HTR1F: variants seen among roughly 807,000 people sequenced by gnomAD.
HTR1F encodes 5-hydroxytryptamine receptor 1F.
A neutral mutation model predicts 24.0 loss-of-function variants in HTR1F; 17 were observed. The observed-to-expected ratio is 0.71, with a 90% CI of 0.48 to 1.06. The LOEUF (loss-of-function observed/expected upper bound fraction) is 1.06, where lower values mean the gene tolerates loss of function less well. Ranked by LOEUF, HTR1F falls within the 50% of genes least tolerant of loss-of-function variation. HTR1F has a pLI of 0.00. For missense variants in HTR1F, 391 were observed against 427.8 expected, an observed-to-expected ratio of 0.91 and a Z score of 0.76; for synonymous variants, 186 against 156.8, an observed-to-expected ratio of 1.19 and a Z score of -1.39.
intron 2 of HTR1F, among the ~76,000 whole-genome samples, chr3:87,827,261 C>T (rs1259322796): frequency 6.6e-6 from 1 of 152,024 alleles, no homozygotes; most frequent in Admixed American, 6.6e-5. Flanking sequence ...CCCGCAACCC[C>T]CAACAGGCCC....
intron 1 of HTR1F, among the ~76,000 whole-genome samples, chr3:87,820,235 G>GGT (rs1704329758): frequency 2.8e-5 from 4 of 144,742 alleles, no homozygotes; most frequent in Non-Finnish European, 4.5e-5. Flanking sequence ...GGAGTGCAGT[G>GGT]GCAGGATCTC....
intron 2 of HTR1F, among the ~76,000 whole-genome samples, chr3:87,950,509 T>C (rs1158296190): frequency 2.6e-5 from 4 of 151,976 alleles, no homozygotes; most frequent in South Asian, 2.1e-4. Context: ...GATGCCCTGA[T>C]GTTATTTTTT....
chr3:87,820,988 A>G (rs1704348746), intron 1 of HTR1F, among the ~76,000 whole-genome samples: 1 of 152,136 alleles, frequency 6.6e-6, no homozygotes, highest in Non-Finnish European at 1.5e-5. Flanking sequence ...GTAATAATTG[A>G]TTTTCTCACT....
At position 87,935,667 on chromosome 3, in the gene HTR1F, C is replaced by T. The variant is rs371472735; in HGVS notation, c.-42-55041C>T. Among the ~76,000 whole-genome samples the T allele has an allele frequency of 4.0e-4, 61 of 152,194 alleles. 1 individual carries two copies. The highest frequency in any genetic ancestry group is 1.4e-3 in the African/African-American group (59 of 41,564). Reference sequence around the variant, plus strand: ...AGTTGAGAATAATCTAAAAACAAACCATTTCACTGTTTCATTAAGTTTCCA... The same window carrying T: ...AGTTGAGAATAATCTAAAAACAAACTATTTCACTGTTTCATTAAGTTTCCA... On this transcript the variant is annotated intron_variant, in intron 2 of 2. Coordinates refer to ENST00000319595, the MANE Select transcript of HTR1F (RefSeq NM_001322209.2).
chr3:87,961,956 C>A (rs1705072212), intron 2 of HTR1F, among the ~76,000 whole-genome samples: 1 of 151,988 alleles, frequency 6.6e-6, no homozygotes, highest in Non-Finnish European at 1.5e-5. Context: ...ATATCATAGA[C>A]ATACTAAAAA....
intron 2 of HTR1F, among the ~76,000 whole-genome samples, chr3:87,909,823 T>C (rs929850841): frequency 6.6e-6 from 1 of 152,014 alleles, no homozygotes; most frequent in Non-Finnish European, 1.5e-5. Flanking sequence ...CTGCTGATGC[T>C]CCAGCCATTA....
chr3:87,953,099 C>T (rs1293580072), intron 2 of HTR1F, among the ~76,000 whole-genome samples: 1 of 151,550 alleles, frequency 6.6e-6, no homozygotes, highest in Non-Finnish European at 1.5e-5. Flanking sequence ...TATTAAACTA[C>T]TAGAATAAAT....
intron 2 of HTR1F, among the ~76,000 whole-genome samples, chr3:87,850,422 C>T (rs1283723371): frequency 6.6e-6 from 1 of 151,716 alleles, no homozygotes; most frequent in African/African-American, 2.4e-5. Flanking sequence ...AACACATGAA[C>T]ACAGGAAGGG....
At chr3:87,920,853 A>G (rs1480897920) in intron 2 of HTR1F, among the ~76,000 whole-genome samples, 1 of 151,964 alleles carries the variant, frequency 6.6e-6, no homozygotes, top group Non-Finnish European at 1.5e-5. Flanking sequence ...CAAACCCTGA[A>G]CATCTGCCCC....
rs563549017 is a variant in HTR1F, at chr3:87,883,095, C to T, written c.-43+60971C>T. Among the ~76,000 whole-genome samples, 8 of 152,220 alleles carry T rather than the reference C, an allele frequency of 5.3e-5. No homozygotes were observed. In the South Asian group the frequency reaches 1.7e-3, roughly 32 times the overall value. On this transcript the variant is annotated intron_variant, in intron 2 of 2. Coordinates refer to ENST00000319595, the MANE Select transcript of HTR1F (RefSeq NM_001322209.2). ...TGGGTGCCCCTCTGGGATGAAGCTT[C>T]CAGAGGAAGGATCAGGCAGCAATAT...
intron 2 of HTR1F, among the ~76,000 whole-genome samples, chr3:87,826,872 G>GTGC (rs1218832267): frequency 6.6e-6 from 1 of 152,032 alleles, no homozygotes; most frequent in African/African-American, 2.4e-5. Flanking sequence ...GTGCAGTGGT[G>GTGC]TGCTCTTGGA....
chr3:87,891,104 G>C (rs1272755594), intron 2 of HTR1F, among the ~76,000 whole-genome samples: 2 of 152,082 alleles, frequency 1.3e-5, no homozygotes, highest in Non-Finnish European at 2.9e-5. Context: ...GCCTCCCAAA[G>C]TGCTGGGATT....
At chr3:87,962,404 A>G (rs1438631810) in intron 2 of HTR1F, among the ~76,000 whole-genome samples, 3 of 152,130 alleles carry the variant, frequency 2.0e-5, no homozygotes, top group African/African-American at 7.2e-5. Flanking sequence ...ATTTGAATAA[A>G]TGTAAAATTC....
At chr3:87,958,892 A>G (rs1159392553) in intron 2 of HTR1F, among the ~76,000 whole-genome samples, 1 of 151,316 alleles carries the variant, frequency 6.6e-6, no homozygotes, top group Non-Finnish European at 1.5e-5. Flanking sequence ...CACTTTCTCA[A>G]CCACCACCAC....
At chr3:87,817,018 T>C (rs1704261926) in intron 1 of HTR1F, among the ~76,000 whole-genome samples, 1 of 152,176 alleles carries the variant, frequency 6.6e-6, no homozygotes, top group Admixed American at 6.5e-5. Flanking sequence ...GTATTATGTA[T>C]AGAAAAACAG....
At chr3:87,955,244 A>G (rs1178236432) in intron 2 of HTR1F, among the ~76,000 whole-genome samples, 15 of 151,342 alleles carry the variant, frequency 9.9e-5, no homozygotes, top group African/African-American at 3.4e-4. Flanking sequence ...GCAACCATTC[A>G]TCTGCTTTTT....
intron 1 of HTR1F, among the ~76,000 whole-genome samples, chr3:87,820,138 A>C (rs1336704934): frequency 6.6e-6 from 1 of 152,106 alleles, no homozygotes; most frequent in Non-Finnish European, 1.5e-5. Flanking sequence ...GATATGAGTA[A>C]AGATTCCAAT....
chr3:87,831,666 G>T (rs1704583839), intron 2 of HTR1F, among the ~76,000 whole-genome samples: 1 of 151,998 alleles, frequency 6.6e-6, no homozygotes, highest in South Asian at 2.1e-4. Flanking sequence ...CCGGCCCACA[G>T]ATACAAATTA....
At chr3:87,968,276 G>T (rs1040437227) in intron 2 of HTR1F, among the ~76,000 whole-genome samples, 2 of 151,740 alleles carry the variant, frequency 1.3e-5, no homozygotes, top group African/African-American at 4.8e-5. Context: ...GCAATGGCAC[G>T]ATCTTGGCTC....
Sources: allele counts gnomAD v4.1 joint callset (sites outside exome capture counted in the v4.1 genomes callset), GRCh38; gene constraint gnomAD v4.1.1; transcripts MANE v1.5; gene names NCBI Gene and HGNC (gene_info 2026-07-23, HGNC 2026-07-21).